Variants in FAM185A observed in about 807,000 individuals in gnomAD.
FAM185A encodes the protein family with sequence similarity 185 member A.
In FAM185A, 21 loss-of-function variants were observed where a neutral mutation model predicts 45.7. The observed-to-expected ratio is 0.46, with a 90% confidence interval of 0.33 to 0.66. The LOEUF is 0.66. FAM185A is among the 30% of genes least tolerant of loss of function. The pLI, the probability that FAM185A is intolerant of heterozygous loss-of-function variation, is 0.03. For synonymous variants in FAM185A, 117 were observed against 194.0 expected, an observed-to-expected ratio of 0.60 and a Z score of 3.30; for missense variants, 305 against 485.4, an observed-to-expected ratio of 0.63 and a Z score of 3.49.
chr7:102,827,294 G>A, the FAM185A span: 5 of 310,876 alleles, frequency 1.6e-5, no homozygotes, highest in South Asian at 1.2e-4. Flanking sequence ...GTCAAGAGAT[G>A]ACTGCAAAGA....
At chr7:102,751,026 G>A (rs192478911) in intron 1 of FAM185A, among the ~76,000 whole-genome samples, 164 of 152,158 alleles carry the variant, frequency 1.1e-3, no homozygotes, top group African/African-American at 3.9e-3. Flanking sequence ...CAATCTTCTC[G>A]CCTCCACCTC....
the FAM185A span, chr7:102,822,453 CAG>C: frequency 2.7e-3 from 1,551 of 575,276 alleles, no homozygotes; most frequent in East Asian, 4.2e-3. Flanking sequence ...TCTCACATGG[CAG>C]AGAGAGAGAG....
At chr7:102,822,411 C>CT in the FAM185A span, 3 of 675,000 alleles carry the variant, frequency 4.4e-6, no homozygotes, top group South Asian at 4.5e-5. Flanking sequence ...GAAGTCCCTC[C>CT]TTATTTGCAG....
intron 3 of FAM185A, 40 bp downstream of exon 3, chr7:102,757,986 C>CT (rs747176279): frequency 6.5e-7 from 1 of 1,542,946 alleles, no homozygotes; most frequent in South Asian, 1.2e-5. Context: ...GTAATTGCAA[C>CT]TTTGCTTCCA....
chr7:102,811,564 T>A (rs1464801912), downstream of FAM185A, among the ~76,000 whole-genome samples: 1 of 152,222 alleles, frequency 6.6e-6, no homozygotes, highest in African/African-American at 2.4e-5. Flanking sequence ...AAGCTCTGAA[T>A]GTAAAGCAAC....
chr7:102,764,374 G>C (rs1794265099), intron 4 of FAM185A, among the ~76,000 whole-genome samples: 3 of 146,740 alleles, frequency 2.0e-5, no homozygotes, highest in South Asian at 4.4e-4. Flanking sequence ...CTAAGGGATT[G>C]TATGAACATG....
chr7:102,754,745 G>A (rs868493556), intron 2 of FAM185A, among the ~76,000 whole-genome samples: 1 of 152,194 alleles, frequency 6.6e-6, no homozygotes. Context: ...AAAACATATG[G>A]TAAGACCACA....
the FAM185A span, among the ~76,000 whole-genome samples, chr7:102,824,920 C>T: frequency 1.3e-5 from 2 of 151,764 alleles, no homozygotes; most frequent in Non-Finnish European, 2.9e-5. Context: ...CACCAAACCT[C>T]GCTTTCATCT....
chr7:102,751,556 C>G, intron 1 of FAM185A, 136 bp from the exon 2 acceptor site: 1 of 1,017,874 alleles, frequency 9.8e-7, no homozygotes, highest in Non-Finnish European at 1.3e-6. Flanking sequence ...GTAGAAGACC[C>G]CTTACCTTTA....
At chr7:102,754,252 G>C (rs868151671) in intron 2 of FAM185A, among the ~76,000 whole-genome samples, 4 of 151,670 alleles carry the variant, frequency 2.6e-5, no homozygotes, top group Non-Finnish European at 5.9e-5. Context: ...CCAGGCTGGA[G>C]TGCAATGACA....
intron 5 of FAM185A, among the ~76,000 whole-genome samples, chr7:102,775,089 A>G (rs1794978314): frequency 6.6e-6 from 1 of 152,160 alleles, no homozygotes; most frequent in Non-Finnish European, 1.5e-5. Context: ...CATGCAATAT[A>G]ATGATTTGAT....
At chr7:102,837,174 CACTGGGCATCAGAGCAAGTGGG>C in the FAM185A span, among the ~76,000 whole-genome samples, 1 of 152,210 alleles carries the variant, frequency 6.6e-6, no homozygotes. Context: ...GCCTTGTTCC[CACTGGGCATCAGAGCAAGTGGG>C]ACTGGTCATG....
chr7:102,749,439 C>G lies in FAM185A; in HGVS notation c.232C>G (p.Arg78Gly), dbSNP rs1459498710. Residue 78 changes from arginine to glycine, a missense_variant, in exon 1 of 8, where the codon CGG becomes GGG. This residue lies in a region of FAM185A where 174 missense variants were observed against 247.1 expected (regional missense o/e 0.70). Coordinates refer to ENST00000413034, the MANE Select transcript of FAM185A (RefSeq NM_001145268.2). Reference sequence around the variant, plus strand: ...GCAGGTGAGCCCGTTTGGTCGGCTGCGGGCGCGGCTCCCGTGCCACCTGGC... The same window carrying G: ...GCAGGTGAGCCCGTTTGGTCGGCTGGGGGCGCGGCTCCCGTGCCACCTGGC... ...TLQVSPFGRL[R>G]ARLPCHLAVR... 1.3e-6 allele frequency: 2 copies of G among 1,547,896 alleles called. No homozygotes were observed. Among genetic ancestry groups the G allele is most frequent in the Non-Finnish European group, 1.7e-6 (2 of 1,146,156 alleles).
chr7:102,815,626 A>G, the FAM185A span, among the ~76,000 whole-genome samples: 1 of 151,302 alleles, frequency 6.6e-6, no homozygotes, highest in Non-Finnish European at 1.5e-5. Flanking sequence ...GTTAGAGGCA[A>G]CAATGATCTT....
chr7:102,836,931 T>C, the FAM185A span, among the ~76,000 whole-genome samples: 1 of 152,258 alleles, frequency 6.6e-6, no homozygotes, highest in Non-Finnish European at 1.5e-5. Context: ...TAGGTCCCAA[T>C]TAATTCTACT....
rs1037026328 is a variant in FAM185A, at chr7:102,749,530, T to C, written c.323T>C (p.Val108Ala). 18 of 1,520,138 alleles carry C rather than the reference T, an allele frequency of 1.2e-5. No homozygotes were observed. The highest frequency in any genetic ancestry group is 1.5e-5 in the Non-Finnish European group (17 of 1,133,976). The allele number at this position is 1,520,138 out of a possible 1,614,324, so 94.2% of individuals were successfully genotyped here. ...GDRVLVAVCG[V>A]EGGVRGLDGL... ...CGCGTGCTGGTCGCGGTGTGCGGCG[T>C]GGAGGGCGGCGTGCGGGGCCTGGAC... The change falls in exon 1 of 8, where the codon GTG (valine) becomes GCG (alanine). Residue 108 changes from valine to alanine, a missense_variant. Val to Ala is a moderately conservative substitution (Grantham distance 64). Around this residue, in one of 5 missense-constraint regions of FAM185A, gnomAD observed 174 missense variants for 247.1 expected, o/e 0.70. Coordinates refer to ENST00000413034, the MANE Select transcript of FAM185A (RefSeq NM_001145268.2).
At chr7:102,802,058 T>C (rs985295165) in intron 7 of FAM185A, among the ~76,000 whole-genome samples, 4 of 152,040 alleles carry the variant, frequency 2.6e-5, no homozygotes, top group Non-Finnish European at 5.9e-5. Context: ...CTAATAGACC[T>C]AAGAAATGAG....
chr7:102,773,393 T>A (rs1794871975), intron 5 of FAM185A, among the ~76,000 whole-genome samples: 5 of 152,118 alleles, frequency 3.3e-5, no homozygotes, highest in Admixed American at 3.3e-4. Context: ...TATTTCATAA[T>A]GTACCAGAAG....
At chr7:102,801,312 T>G (rs1450146129) in intron 7 of FAM185A, among the ~76,000 whole-genome samples, 1 of 149,930 alleles carries the variant, frequency 6.7e-6, no homozygotes, top group African/African-American at 2.5e-5. Flanking sequence ...AAAACAAAAA[T>G]ACAATTTAAA....
Sources: gnomAD v4.1 joint callset for allele counts (sites outside exome capture counted in the v4.1 genomes callset) on GRCh38, gnomAD v4.1.1 for gene constraint, gnomAD v4.1.1 regional missense constraint, MANE v1.5 for transcripts, NCBI Gene and HGNC (gene_info 2026-07-23, HGNC 2026-07-21) for gene names.